The following HDAC9 variants were observed in gnomAD, a reference collection of about 807,000 sequenced individuals.
HDAC9 encodes the protein MEF-2 interacting transcription repressor (MITR) protein.
A neutral mutation model predicts 139.4 loss-of-function variants in HDAC9; 41 were observed. The observed-to-expected ratio is 0.29, with a 90% CI of 0.23 to 0.38. The LOEUF (loss-of-function observed/expected upper bound fraction) is 0.38. HDAC9 is among the 10% of genes least tolerant of loss of function. The pLI, the probability that HDAC9 is intolerant of heterozygous loss-of-function variation, is 1.00. For missense variants in HDAC9, 1,147 were observed against 1,297.0 expected, an observed-to-expected ratio of 0.88 and a Z score of 1.78; for synonymous variants, 517 against 476.2, an observed-to-expected ratio of 1.09 and a Z score of -1.12.
chr7:18,116,058 C>G (rs1248835952), intron 1 of HDAC9, among the ~76,000 whole-genome samples: 2 of 152,128 alleles, frequency 1.3e-5, no homozygotes, highest in African/African-American at 4.8e-5. Flanking sequence ...TCAAGAAAAG[C>G]CTTCTCATGT....
chr7:18,920,890 G>A (rs1267248509), intron 22 of HDAC9, among the ~76,000 whole-genome samples: 5 of 152,032 alleles, frequency 3.3e-5, no homozygotes. Context: ...GCTGGATTCG[G>A]TTTGCCAGTA....
chr7:18,157,985 G>A lies in HDAC9; in HGVS notation c.-96-4244G>A, dbSNP rs565185135. On this transcript the variant is annotated intron_variant, in intron 1 of 12. Transcript: ENST00000417496. ...ACTCTATGGAGGAACCATGGTTAAT[G>A]TCTCAATTTGAGAAGAGAAGGACCT... Among the ~76,000 whole-genome samples the A allele has an allele frequency of 2.6e-5, 4 of 152,284 alleles. No individual in the cohort carries two copies. The South Asian group carries it at 8.3e-4, about 32-fold the overall frequency.
At chr7:18,931,197 G>A (rs920926092) in intron 22 of HDAC9, among the ~76,000 whole-genome samples, 1 of 152,076 alleles carries the variant, frequency 6.6e-6, no homozygotes, top group African/African-American at 2.4e-5. Flanking sequence ...ATTACTATGT[G>A]CTATTAATCT....
Position 18,899,068 on chromosome 7 carries a change from T to A in HDAC9, c.2803+24472T>A, listed in dbSNP as rs148318368. Among the ~76,000 whole-genome samples the A allele has an allele frequency of 1.0e-2, 1,521 of 152,118 alleles. 18 individuals carry two copies. The highest frequency in any genetic ancestry group is 0.017 in the Middle Eastern group (5 of 294). On this transcript the variant is annotated intron_variant, in intron 22 of 25. Transcript: ENST00000686413. The stretch of plus-strand genomic sequence containing the variant: ...GAAAGTTTCCAAAGTATGGCTTAGG[T>A]TTTGGAATCTCCACTAAGCAAACTG...
chr7:18,732,926 TGTGTATGTATGTGTATACACAC>T (rs1786412049), intron 13 of HDAC9, among the ~76,000 whole-genome samples: 2 of 115,022 alleles, frequency 1.7e-5, no homozygotes, highest in African/African-American at 4.2e-5. Context: ...TATACACACG[TGTGTATGTATGTGTATACACAC>T]GTGTATGTGT....
At chr7:18,385,461 C>G (rs1785831500) in intron 1 of HDAC9, among the ~76,000 whole-genome samples, 1 of 152,146 alleles carries the variant, frequency 6.6e-6, no homozygotes, top group African/African-American at 2.4e-5. Context: ...TAAAGTAAAT[C>G]TGAGTGTATT....
rs1426194474 is a variant in HDAC9 at position 18,747,613 on chromosome 7, C to T, written c.1910-1392C>T. Among the ~76,000 whole-genome samples the T allele has an allele frequency of 2.0e-5, 3 of 152,102 alleles. No homozygotes were observed. In the East Asian group the frequency reaches 5.8e-4, roughly 29 times the overall value. The stretch of plus-strand genomic sequence containing the variant: ...AACTAAGTGGAGATTTTGGATGGAT[C>T]ATTCAATGGGGAAGTGTGTAAGTAA... On this transcript the variant is annotated intron_variant, in intron 13 of 25. Transcript: ENST00000686413.
rs192343664 is a variant in HDAC9 at position 18,689,424 on chromosome 7, A to T, written c.1731+22948A>T. Reference sequence around the variant, plus strand: ...GGGTCAATGGTAATTGCTGCAGAGGATCTAGTCTGAGAGGAATGATTTAAA... The same window carrying T: ...GGGTCAATGGTAATTGCTGCAGAGGTTCTAGTCTGAGAGGAATGATTTAAA... On this transcript the variant is annotated intron_variant, in intron 12 of 25. Transcript: ENST00000686413. Among the ~76,000 whole-genome samples, 4 of 152,102 alleles carry T rather than the reference A, an allele frequency of 2.6e-5. No homozygotes were observed. In the East Asian group the frequency reaches 7.7e-4, roughly 29 times the overall value.
intron 16 of HDAC9, among the ~76,000 whole-genome samples, chr7:18,770,180 A>G: frequency 6.6e-6 from 1 of 151,928 alleles, no homozygotes; most frequent in East Asian, 1.9e-4. Context: ...TGTGAAATGT[A>G]CTCTCCAGAA....
chr7:18,732,532 A>C (rs547114134), intron 13 of HDAC9, among the ~76,000 whole-genome samples: 2 of 77,498 alleles, frequency 2.6e-5, no homozygotes, highest in Admixed American at 1.6e-4. Flanking sequence ...ATGTATGTGT[A>C]TATATGTGTA....
intron 11 of HDAC9, among the ~76,000 whole-genome samples, chr7:18,658,899 C>CAAAAAAAAAAAAAAAAAAAACA (rs11306117): frequency 1.7e-5 from 2 of 118,152 alleles, no homozygotes; most frequent in African/African-American, 5.6e-5. Context: ...AAAAAAAAAG[C>CAAAAAAAAAAAAAAAAAAAACA]AAAAAAAAAA....
intron 2 of HDAC9, among the ~76,000 whole-genome samples, chr7:18,199,652 G>T (rs1335122192): frequency 6.6e-6 from 1 of 150,950 alleles, no homozygotes; most frequent in African/African-American, 2.4e-5. Context: ...GGGCGTGGTG[G>T]CATGCTGAAG....
chr7:18,470,837 C>G (rs926651999), intron 1 of HDAC9, among the ~76,000 whole-genome samples: 3 of 151,900 alleles, frequency 2.0e-5, no homozygotes, highest in Non-Finnish European at 4.4e-5. Flanking sequence ...GAGAGATAAG[C>G]CTTTGGAATC....
chr7:18,539,854 C>T (rs1812176345), intron 2 of HDAC9, among the ~76,000 whole-genome samples: 1 of 151,720 alleles, frequency 6.6e-6, no homozygotes, highest in African/African-American at 2.4e-5. Flanking sequence ...AAAATGAGGA[C>T]ACCAAAAATG....
At chr7:18,920,111 G>C (rs911176244) in intron 22 of HDAC9, among the ~76,000 whole-genome samples, 1 of 152,062 alleles carries the variant, frequency 6.6e-6, no homozygotes, top group Non-Finnish European at 1.5e-5. Flanking sequence ...TCACAAGATT[G>C]ATTCTTCCTG....
chr7:18,168,985 T>A (rs1242908701), intron 2 of HDAC9, among the ~76,000 whole-genome samples: 1 of 149,440 alleles, frequency 6.7e-6, no homozygotes, highest in South Asian at 2.1e-4. Flanking sequence ...TTGCCCAGGC[T>A]GGAGTGCAAT....
intron 2 of HDAC9, among the ~76,000 whole-genome samples, chr7:18,515,836 A>G (rs1803014002): frequency 6.6e-6 from 1 of 152,240 alleles, no homozygotes; most frequent in Non-Finnish European, 1.5e-5. Flanking sequence ...ATCCATTTAC[A>G]GCAGCTGATA....
At chr7:18,760,095 G>C (rs1178178) in intron 14 of HDAC9, among the ~76,000 whole-genome samples, 1 of 151,978 alleles carries the variant, frequency 6.6e-6, no homozygotes, top group Non-Finnish European at 1.5e-5. Flanking sequence ...CAGCATATAC[G>C]ATGTTAGTGG....
chr7:18,800,793 G>A (rs1297720707), intron 17 of HDAC9, among the ~76,000 whole-genome samples: 1 of 152,002 alleles, frequency 6.6e-6, no homozygotes, highest in Admixed American at 6.6e-5. Context: ...AGATCGTGCT[G>A]TCTCATTCCA....
Sources: gnomAD v4.1 joint callset for allele counts (sites outside exome capture counted in the v4.1 genomes callset) on GRCh38, gnomAD v4.1.1 for gene constraint, MANE v1.5 for transcripts, NCBI Gene and HGNC (gene_info 2026-07-23, HGNC 2026-07-21) for gene names.